Variants in TMEM132D observed in about 807,000 individuals in gnomAD.
TMEM132D encodes the protein mature OL transmembrane protein.
A neutral mutation model predicts 62.3 loss-of-function variants in TMEM132D; 21 were observed. That is an observed-to-expected ratio of 0.34 (90% CI 0.24 to 0.49). The LOEUF is 0.49. Among genes scored for constraint, TMEM132D ranks in the 20% least tolerant of loss-of-function variants. The probability of loss-of-function intolerance (pLI) is 0.99; values close to 1 mark genes in which losing one functional copy is unlikely to be tolerated. For synonymous variants in TMEM132D, 621 were observed against 575.6 expected, an observed-to-expected ratio of 1.08 and a Z score of -1.13; for missense variants, 1,346 against 1,402.8, an observed-to-expected ratio of 0.96 and a Z score of 0.65.
chr12:129,546,539 G>T (rs1876741350), intron 2 of TMEM132D, among the ~76,000 whole-genome samples: 1 of 152,044 alleles, frequency 6.6e-6, no homozygotes, highest in Admixed American at 6.6e-5. Flanking sequence ...CCATTGCAAG[G>T]CTAGGATTTA....
At chr12:129,132,691 C>T (rs1338531656) in intron 5 of TMEM132D, among the ~76,000 whole-genome samples, 1 of 152,120 alleles carries the variant, frequency 6.6e-6, no homozygotes, top group Non-Finnish European at 1.5e-5. Flanking sequence ...TTATTAATAG[C>T]TTGATTATAG....
chr12:129,083,861 C>T (rs7303836), intron 6 of TMEM132D, among the ~76,000 whole-genome samples: 25,469 of 152,152 alleles, frequency 0.17, 2,353 homozygotes, highest in East Asian at 0.32. Flanking sequence ...GGTTGCCTGA[C>T]GGTAGATGGT....
intron 5 of TMEM132D, among the ~76,000 whole-genome samples, chr12:129,149,846 G>A (rs527311942): frequency 6.2e-4 from 94 of 152,288 alleles, no homozygotes; most frequent in Non-Finnish European, 1.2e-3. Context: ...GAAAAGGAGT[G>A]AGACCAAGCT....
chr12:129,478,098 C>G (rs1219145324), intron 3 of TMEM132D, among the ~76,000 whole-genome samples: 2 of 152,126 alleles, frequency 1.3e-5, no homozygotes, highest in Non-Finnish European at 2.9e-5. Flanking sequence ...ACTTGTCTAT[C>G]TAAACATGTC....
chr12:129,877,559 C>T (rs192768624), intron 1 of TMEM132D, among the ~76,000 whole-genome samples: 42 of 152,244 alleles, frequency 2.8e-4, no homozygotes, highest in African/African-American at 8.2e-4. Context: ...ACAGCAGGGA[C>T]AGCAATTTGA....
intron 3 of TMEM132D, among the ~76,000 whole-genome samples, chr12:129,387,487 A>T (rs1482704130): frequency 1.3e-5 from 2 of 152,108 alleles, no homozygotes; most frequent in Non-Finnish European, 2.9e-5. Flanking sequence ...CACCACTCTA[A>T]CACTAACGTT....
At chr12:129,637,834 C>T (rs1335181610) in intron 2 of TMEM132D, among the ~76,000 whole-genome samples, 1 of 151,986 alleles carries the variant, frequency 6.6e-6, no homozygotes, top group Admixed American at 6.6e-5. Context: ...GGCGGAGGTG[C>T]CACATACTTT....
intron 1 of TMEM132D, among the ~76,000 whole-genome samples, chr12:129,886,306 G>A (rs951460074): frequency 6.6e-6 from 1 of 152,150 alleles, no homozygotes; most frequent in African/African-American, 2.4e-5. Flanking sequence ...ATGAATCATA[G>A]TAAGACCGGA....
chr12:129,490,482 G>A (rs1386480690), intron 3 of TMEM132D, among the ~76,000 whole-genome samples: 1 of 131,600 alleles, frequency 7.6e-6, no homozygotes, highest in Non-Finnish European at 1.5e-5. Context: ...AGCCTGGAGT[G>A]CAGTGGCGCG....
At chr12:129,361,988 G>A (rs141166487) in intron 3 of TMEM132D, among the ~76,000 whole-genome samples, 8 of 152,170 alleles carry the variant, frequency 5.3e-5, no homozygotes, top group African/African-American at 7.2e-5. Flanking sequence ...GAGCATTCAC[G>A]ATCTTGTTTA....
intron 3 of TMEM132D, among the ~76,000 whole-genome samples, chr12:129,480,408 G>T (rs538640971): frequency 6.6e-6 from 1 of 152,230 alleles, no homozygotes. Flanking sequence ...GCATCCTCTG[G>T]CTGCTGTGTT....
intron 1 of TMEM132D, among the ~76,000 whole-genome samples, chr12:129,890,046 CTTTAA>C (rs1373672772): frequency 6.6e-6 from 1 of 152,138 alleles, no homozygotes; most frequent in East Asian, 1.9e-4. Context: ...CAAAAATCAA[CTTTAA>C]TAAGATGAGT....
At chr12:129,183,601 A>T (rs1323512469) in intron 5 of TMEM132D, among the ~76,000 whole-genome samples, 1 of 152,198 alleles carries the variant, frequency 6.6e-6, no homozygotes. Context: ...TTGTTTTTTA[A>T]CATGCATTTG....
At chr12:129,090,698 G>A (rs927583944) in intron 5 of TMEM132D, among the ~76,000 whole-genome samples, 8 of 151,858 alleles carry the variant, frequency 5.3e-5, no homozygotes, top group South Asian at 2.1e-4. Flanking sequence ...AAAAGAAAAC[G>A]GGTTGCAGAA....
intron 4 of TMEM132D, among the ~76,000 whole-genome samples, chr12:129,325,519 C>A (rs1419244439): frequency 6.6e-6 from 1 of 152,130 alleles, no homozygotes; most frequent in Non-Finnish European, 1.5e-5. Context: ...TTGAGTTAGG[C>A]TTTAGGTGGT....
chr12:129,618,561 A>T (rs1878981817), intron 2 of TMEM132D, among the ~76,000 whole-genome samples: 1 of 152,236 alleles, frequency 6.6e-6, no homozygotes, highest in African/African-American at 2.4e-5. Context: ...TTTCTACTAC[A>T]GATAACCTTC....
chr12:129,197,262 A>C (rs1232952340), intron 5 of TMEM132D, among the ~76,000 whole-genome samples: 1 of 152,192 alleles, frequency 6.6e-6, no homozygotes. Flanking sequence ...GACAATACTC[A>C]ACAGGTAAAC....
In TMEM132D at chr12:129,674,541, C is replaced by A. The variant is rs548867583; in HGVS notation, c.968+25269G>T. On this transcript the variant is annotated intron_variant, in intron 2 of 8. Coordinates refer to ENST00000422113, the MANE Select transcript of TMEM132D (RefSeq NM_133448.3). The stretch of plus-strand genomic sequence containing the variant: ...GAACTCTACATATGTTTTATGTTTT[C>A]TGTTTGTTTGTTTTTGAGACAGAGT... 1.5e-3 allele frequency among the ~76,000 whole-genome samples: 228 copies of A among 152,102 alleles called. 1 individual carries two copies. The highest frequency in any genetic ancestry group is 4.8e-3 in the African/African-American group (200 of 41,508).
At chr12:129,726,509 G>A (rs565638633) in intron 1 of TMEM132D, among the ~76,000 whole-genome samples, 4 of 152,254 alleles carry the variant, frequency 2.6e-5, no homozygotes, top group South Asian at 2.1e-4. Context: ...GGGAGATGGG[G>A]TCAGAGACAT....
Sources: gnomAD v4.1 joint callset for allele counts (sites outside exome capture counted in the v4.1 genomes callset) on GRCh38, gnomAD v4.1.1 for gene constraint, MANE v1.5 for transcripts, NCBI Gene and HGNC (gene_info 2026-07-23, HGNC 2026-07-21) for gene names.